Variants in LRRC7 observed in about 807,000 individuals in gnomAD.
LRRC7 encodes leucine rich repeat containing 7, also known as leucine-rich repeat-containing protein 7.
In LRRC7, 23 loss-of-function variants were observed where a neutral mutation model predicts 175.7. That is an observed-to-expected ratio of 0.13 (90% CI 0.09 to 0.19). The LOEUF is 0.19. Among genes scored for constraint, LRRC7 ranks in the 10% least tolerant of loss-of-function variants. The pLI, the probability that LRRC7 is intolerant of heterozygous loss-of-function variation, is 1.00. For synonymous variants in LRRC7, 685 were observed against 680.9 expected (o/e 1.01, Z -0.09); for missense variants, 1,354 against 1,904.7 (o/e 0.71, Z 5.38).
chr1:69,790,963 A>G (rs1009493842), intron 3 of LRRC7, among the ~76,000 whole-genome samples: 2 of 152,034 alleles, frequency 1.3e-5, no homozygotes, highest in Non-Finnish European at 2.9e-5. Context: ...ATGAGTTAAG[A>G]CATAACGACC....
intron 8 of LRRC7, among the ~76,000 whole-genome samples, chr1:69,966,377 G>T (rs1335832440): frequency 6.6e-6 from 1 of 152,122 alleles, no homozygotes; most frequent in East Asian, 1.9e-4. Flanking sequence ...AAATTTAAAG[G>T]TCTCTGGTAT....
At chr1:70,101,152 T>G (rs1664777906) in intron 25 of LRRC7, among the ~76,000 whole-genome samples, 1 of 152,152 alleles carries the variant, frequency 6.6e-6, no homozygotes, top group Admixed American at 6.5e-5. Flanking sequence ...AAAAAAAGTT[T>G]CCCCCTAAAA....
At chr1:69,977,845 A>G (rs149946742) in intron 8 of LRRC7, among the ~76,000 whole-genome samples, 1 of 152,328 alleles carries the variant, frequency 6.6e-6, no homozygotes, top group African/African-American at 2.4e-5. Flanking sequence ...TTTGTGTTAA[A>G]TCACTGAGAT....
At chr1:69,867,760 C>T (rs1386522427) in intron 7 of LRRC7, among the ~76,000 whole-genome samples, 1 of 152,106 alleles carries the variant, frequency 6.6e-6, no homozygotes, top group Non-Finnish European at 1.5e-5. Context: ...AAGGATAACA[C>T]ACTGGTTGTT....
In LRRC7 at chr1:69,756,159, A is replaced by G. The variant is rs888251042; in HGVS notation, c.101-4032A>G. Among the ~76,000 whole-genome samples the G allele has an allele frequency of 7.2e-5, 11 of 151,972 alleles. No individual in the cohort carries two copies. The South Asian group carries it at 2.1e-3, about 29-fold the overall frequency. ...CTCTTGTAAGTAAAAATATGCTATT[A>G]GATAAAGGGTAAGACAAGACATGGA... On this transcript the variant is annotated intron_variant, in intron 2 of 26. Transcript: ENST00000651989.
intron 7 of LRRC7, among the ~76,000 whole-genome samples, chr1:69,885,330 C>T (rs1247688499): frequency 6.9e-6 from 1 of 145,710 alleles, no homozygotes; most frequent in East Asian, 2.0e-4. Flanking sequence ...CAACTTCTTC[C>T]TGGTTTAGTC....
chr1:70,097,282 C>T (rs970349379), intron 25 of LRRC7, among the ~76,000 whole-genome samples: 1 of 152,116 alleles, frequency 6.6e-6, no homozygotes, highest in Non-Finnish European at 1.5e-5. Flanking sequence ...TGAGCCACCT[C>T]TAAGAAATGT....
At chr1:69,689,364 C>T (rs1305050060) in intron 2 of LRRC7, among the ~76,000 whole-genome samples, 1 of 152,110 alleles carries the variant, frequency 6.6e-6, no homozygotes, top group African/African-American at 2.4e-5. Context: ...CTATCTTAGT[C>T]CTACTGTTTT....
At position 70,038,624 on chromosome 1, in the gene LRRC7, T is replaced by G. The variant is rs781601158; in HGVS notation, c.2800T>G (p.Tyr934Asp). The change falls in exon 21 of 27, where the codon TAT (tyrosine) becomes GAT (aspartate). Residue 934 changes from tyrosine to aspartate, a missense_variant. By Grantham distance (160) the Tyr-to-Asp change is radical (BLOSUM62 -3). This residue lies in a region of LRRC7 where 1,032 missense variants were observed against 1,227.2 expected (regional missense o/e 0.84). Transcript: ENST00000651989. Reference protein sequence around the residue: ...SPFSPGVPWEYHDSNPNRSLS... With the variant: ...SPFSPGVPWEDHDSNPNRSLS... Reference sequence around the variant, plus strand: ...TTTTTCTCCAGGCGTACCATGGGAGTATCATGATTCCAATCCCAACAGGAG... The same window carrying G: ...TTTTTCTCCAGGCGTACCATGGGAGGATCATGATTCCAATCCCAACAGGAG... The G allele has an allele frequency of 6.2e-7, 1 of 1,613,834 alleles. No individual in the cohort carries two copies. Among genetic ancestry groups the G allele is most frequent in the East Asian group, 2.2e-5 (1 of 44,858 alleles).
intron 7 of LRRC7, among the ~76,000 whole-genome samples, chr1:69,858,655 C>T (rs1327318946): frequency 1.3e-5 from 2 of 152,060 alleles, no homozygotes; most frequent in East Asian, 3.9e-4. Flanking sequence ...GTGGCAGTTA[C>T]ACAGCAGGAT....
chr1:69,681,366 GAGTAAGGAA>G (rs1660469731), intron 2 of LRRC7, among the ~76,000 whole-genome samples: 1 of 152,176 alleles, frequency 6.6e-6, no homozygotes, highest in African/African-American at 2.4e-5. Context: ...GGATCCTCCA[GAGTAAGGAA>G]ATCACTCTTT....
chr1:69,665,713 A>C (rs534180816), intron 1 of LRRC7, among the ~76,000 whole-genome samples: 1 of 151,944 alleles, frequency 6.6e-6, no homozygotes, highest in East Asian at 1.9e-4. Flanking sequence ...AAGTTCTAAT[A>C]GTTTTCTTGG....
intron 7 of LRRC7, 46 bp downstream of exon 7, chr1:69,838,329 A>T: frequency 7.1e-7 from 1 of 1,406,926 alleles, no homozygotes; most frequent in Non-Finnish European, 1.0e-6. Flanking sequence ...GATTTTTTTC[A>T]CTAGTAAGAG....
At chr1:69,822,704 A>G (rs1679441816) in intron 4 of LRRC7, among the ~76,000 whole-genome samples, 1 of 152,188 alleles carries the variant, frequency 6.6e-6, no homozygotes, top group South Asian at 2.1e-4. Flanking sequence ...CCTGGCATTG[A>G]GCTGTGCTAG....
Position 69,685,781 on chromosome 1 carries a change from G to A in LRRC7, c.100+7303G>A, listed in dbSNP as rs749133491. On this transcript the variant is annotated intron_variant, in intron 2 of 26. Transcript: ENST00000651989. ...GTATCATCAGAGTCCCAGGAGAGGA[G>A]AAGGAGTATGGGACAGAAAAAGTAT... Among the ~76,000 whole-genome samples the A allele has an allele frequency of 1.3e-3, 193 of 151,998 alleles. 2 individuals carry two copies. The highest frequency in any genetic ancestry group is 1.2e-3 in the Non-Finnish European group (82 of 67,964).
intron 7 of LRRC7, chr1:69,919,464 GC>G: frequency 1.0e-6 from 1 of 994,804 alleles, no homozygotes; most frequent in Non-Finnish European, 1.5e-6. Flanking sequence ...AGTGGGAGCG[GC>G]CCAGCGGGAA....
chr1:69,761,429 G>A (rs528272494), intron 3 of LRRC7, among the ~76,000 whole-genome samples: 16 of 151,850 alleles, frequency 1.1e-4, no homozygotes, highest in African/African-American at 3.6e-4. Flanking sequence ...ATCATTTGCC[G>A]GCCTTTTGGC....
In LRRC7 at chr1:70,129,270, G is replaced by A. The variant is rs1269139221; in HGVS notation, c.*7383G>A. ...TTAAAAAAAAAAAAAAAAGTGTCAC[G>A]AAAAGTGTGAGCTAGATGAATATTT... On this transcript the variant is annotated 3_prime_UTR_variant, in exon 27 of 27. Coordinates refer to ENST00000651989, the MANE Select transcript of LRRC7 (RefSeq NM_001370785.2). Among the ~76,000 whole-genome samples, 4 of 150,684 alleles carry A rather than the reference G, an allele frequency of 2.7e-5. No homozygotes were observed. Among genetic ancestry groups the A allele is most frequent in the Non-Finnish European group, 5.9e-5 (4 of 67,710 alleles).
At chr1:69,891,175 C>T (rs903950212) in intron 7 of LRRC7, among the ~76,000 whole-genome samples, 1 of 152,184 alleles carries the variant, frequency 6.6e-6, no homozygotes, top group East Asian at 1.9e-4. Context: ...CCTCACTAAG[C>T]TTAACCATTT....
Sources: allele counts gnomAD v4.1 joint callset (sites outside exome capture counted in the v4.1 genomes callset), GRCh38; gene constraint gnomAD v4.1.1; regional missense constraint gnomAD v4.1.1; transcripts MANE v1.5; gene names NCBI Gene and HGNC (gene_info 2026-07-23, HGNC 2026-07-21).